UTRN: variants seen among roughly 807,000 people sequenced by gnomAD.
UTRN encodes utrophin.
A neutral mutation model predicts 463.9 loss-of-function variants in UTRN; 283 were observed. The observed-to-expected ratio is 0.61, with a 90% CI of 0.55 to 0.67. The LOEUF (loss-of-function observed/expected upper bound fraction) is 0.67. Ranked by LOEUF, UTRN falls within the 30% of genes least tolerant of loss-of-function variation. The pLI is 0.00. For missense variants in UTRN, 3,922 were observed against 4,084.3 expected, an observed-to-expected ratio of 0.96 and a Z score of 1.08; for synonymous variants, 1,442 against 1,431.5, an observed-to-expected ratio of 1.01 and a Z score of -0.17.
intron 52 of UTRN, among the ~76,000 whole-genome samples, chr6:144,685,674 G>A (rs936346023): frequency 1.7e-4 from 26 of 152,120 alleles, no homozygotes; most frequent in African/African-American, 5.3e-4. Flanking sequence ...TTTGAGAAAT[G>A]TCTAATCATG....
At chr6:144,803,841 A>G (rs376814035) in intron 65 of UTRN, among the ~76,000 whole-genome samples, 1 of 152,114 alleles carries the variant, frequency 6.6e-6, no homozygotes, top group Non-Finnish European at 1.5e-5. Flanking sequence ...ATAAAGCACT[A>G]TAAGTAGGTT....
chr6:144,563,928 A>T (rs573573852), intron 50 of UTRN, among the ~76,000 whole-genome samples: 4 of 152,194 alleles, frequency 2.6e-5, no homozygotes. Context: ...TTCTCAGCAC[A>T]TTTAGCTCCA....
At chr6:144,827,077 A>G (rs1311745368) in intron 66 of UTRN, among the ~76,000 whole-genome samples, 3 of 152,202 alleles carry the variant, frequency 2.0e-5, no homozygotes, top group African/African-American at 7.2e-5. Flanking sequence ...TTTTTTCCCC[A>G]GTATGACTGT....
intron 2 of UTRN, among the ~76,000 whole-genome samples, chr6:144,346,737 C>T (rs1777599520): frequency 6.6e-6 from 1 of 152,076 alleles, no homozygotes; most frequent in African/African-American, 2.4e-5. Context: ...GCAAGAGAAT[C>T]GCTTGAACCC....
chr6:144,477,561 C>G (rs778350487), intron 25 of UTRN, among the ~76,000 whole-genome samples: 1 of 151,534 alleles, frequency 6.6e-6, no homozygotes, highest in Admixed American at 6.6e-5. Context: ...CACACACACA[C>G]GCACACACCC....
intron 51 of UTRN, among the ~76,000 whole-genome samples, chr6:144,663,461 G>A (rs1163710379): frequency 6.6e-6 from 1 of 152,074 alleles, no homozygotes; most frequent in African/African-American, 2.4e-5. Flanking sequence ...TGACTTTAGG[G>A]ACTATTAACA....
chr6:144,420,758 G>A (rs1445652235), intron 3 of UTRN, among the ~76,000 whole-genome samples: 6 of 152,140 alleles, frequency 3.9e-5, no homozygotes, highest in African/African-American at 9.7e-5. Context: ...ACCAAATCAC[G>A]TACTCCCATA....
At chr6:144,522,966 T>A in intron 40 of UTRN, 50 bp from the exon 41 acceptor site, 1 of 1,395,480 alleles carries the variant, frequency 7.2e-7, no homozygotes. Context: ...TGTGATTCCT[T>A]TTTTTGTTAC....
chr6:144,587,524 A>C (rs746766182), intron 51 of UTRN, among the ~76,000 whole-genome samples: 1 of 152,172 alleles, frequency 6.6e-6, no homozygotes, highest in Non-Finnish European at 1.5e-5. Context: ...GTAAGGTCAC[A>C]TATTATTTTT....
chr6:144,495,629 C>T (rs750122854), intron 33 of UTRN, among the ~76,000 whole-genome samples: 1 of 152,220 alleles, frequency 6.6e-6, no homozygotes, highest in South Asian at 2.1e-4. Context: ...CAAGTGCTGC[C>T]AAAGTGGGAG....
chr6:144,553,916 A>T (rs1285127375), intron 48 of UTRN, among the ~76,000 whole-genome samples: 2 of 67,678 alleles, frequency 3.0e-5, no homozygotes, highest in Admixed American at 1.3e-4. Flanking sequence ...ACTCTCTCTC[A>T]AAAAAAAAAA....
intron 2 of UTRN, among the ~76,000 whole-genome samples, chr6:144,366,841 G>A (rs1779550362): frequency 2.0e-5 from 3 of 152,134 alleles, no homozygotes; most frequent in Admixed American, 2.0e-4. Flanking sequence ...TTTCACAATG[G>A]TTGGACTAAT....
chr6:144,447,668 G>A lies in UTRN; in HGVS notation c.1789G>A (p.Val597Met), dbSNP rs1410656681. 1.2e-6 allele frequency: 2 copies of A among 1,614,050 alleles called. No homozygotes were observed. Among genetic ancestry groups the A allele is most frequent in the Non-Finnish European group, 8.5e-7 (1 of 1,179,940 alleles). The part of the protein sequence containing the change: ...LDQLSEIGQD[V>M]GQLLDNSKAS... ...TCAGCTGAGTGAGATTGGCCAGGAT[G>A]TGGGACAATTACTTGATAATTCCAA... is the stretch of plus-strand genomic sequence containing the variant. Residue 597 changes from valine to methionine, a missense_variant, in exon 16 of 75, where the codon GTG (valine) becomes ATG (methionine). By Grantham distance (21) the Val-to-Met change is conservative. Around this residue, in one of 3 missense-constraint regions of UTRN, gnomAD observed 2,349 missense variants for 2,303.8 expected, o/e 1.02. Transcript: ENST00000367545.
intron 42 of UTRN, among the ~76,000 whole-genome samples, 163 bp from the exon 43 acceptor site, chr6:144,532,922 T>C (rs955987416): frequency 2.0e-5 from 3 of 152,260 alleles, no homozygotes; most frequent in African/African-American, 7.2e-5. Context: ...CATTGAAATG[T>C]AATTAAATTG....
In UTRN at chr6:144,754,741, A is replaced by C; in HGVS notation, c.8377A>C (p.Lys2793Gln). The C allele has an allele frequency of 6.2e-7, 1 of 1,613,656 alleles. No individual in the cohort carries two copies. The highest frequency in any genetic ancestry group is 2.2e-5 in the East Asian group (1 of 44,834). The part of the protein sequence containing the change: ...LLQVSVDDRL[K>Q]QLQEAHRDFG... ...GCAGGTTTCTGTGGATGATCGCCTT[A>C]AACAGCTTCAGGAAGCCCACAGAGA... Residue 2793 changes from lysine to glutamine, a missense_variant, in exon 57 of 75, where the codon AAA becomes CAA. This residue lies in a region of UTRN where 1,309 missense variants were observed against 1,452.6 expected (regional missense o/e 0.90). Coordinates refer to ENST00000367545, the MANE Select transcript of UTRN (RefSeq NM_007124.3).
chr6:144,713,673 C>T (rs1350876071), intron 53 of UTRN, among the ~76,000 whole-genome samples: 1 of 150,384 alleles, frequency 6.6e-6, no homozygotes, highest in Non-Finnish European at 1.5e-5. Flanking sequence ...GTAATCCCAG[C>T]ACTTTGGGAG....
intron 24 of UTRN, among the ~76,000 whole-genome samples, 178 bp downstream of exon 24, chr6:144,474,011 G>A (rs1387220540): frequency 6.6e-6 from 1 of 151,940 alleles, no homozygotes; most frequent in Non-Finnish European, 1.5e-5. Context: ...GATTCTTCAA[G>A]TTTTTATTTC....
intron 52 of UTRN, among the ~76,000 whole-genome samples, chr6:144,680,627 C>G (rs1782109962): frequency 6.6e-6 from 1 of 152,100 alleles, no homozygotes; most frequent in South Asian, 2.1e-4. Context: ...GTCCCTACCC[C>G]TAGAGGTTCA....
chr6:144,542,692 A>G, intron 45 of UTRN, 103 bp from the exon 46 acceptor site: 1 of 1,220,528 alleles, frequency 8.2e-7, no homozygotes, highest in Middle Eastern at 2.4e-4. Context: ...TTAGGGGAAG[A>G]AAAGTAGCAG....
Sources: allele counts gnomAD v4.1 joint callset (sites outside exome capture counted in the v4.1 genomes callset), GRCh38; gene constraint gnomAD v4.1.1; regional missense constraint gnomAD v4.1.1; transcripts MANE v1.5; gene names NCBI Gene and HGNC (gene_info 2026-07-23, HGNC 2026-07-21).